The following ZBTB49 variants were observed in gnomAD, a reference collection of about 807,000 sequenced individuals.
ZBTB49 encodes zinc finger and BTB domain containing 49, also known as zinc finger and BTB domain-containing protein 49.
ZBTB49 carries 43 observed loss-of-function variants against 57.5 expected under a neutral mutation model. That is an observed-to-expected ratio of 0.75 (90% CI 0.59 to 0.97). The LOEUF (loss-of-function observed/expected upper bound fraction) is 0.97, where lower values mean the gene tolerates loss of function less well. Ranked by LOEUF, ZBTB49 falls within the 50% of genes least tolerant of loss-of-function variation. The probability of loss-of-function intolerance (pLI) is 0.00; values close to 1 mark genes in which losing one functional copy is unlikely to be tolerated. For missense variants in ZBTB49, 938 were observed against 947.7 expected, an observed-to-expected ratio of 0.99 and a Z score of 0.13; for synonymous variants, 369 against 362.1, an observed-to-expected ratio of 1.02 and a Z score of -0.22.
intron 1 of ZBTB49, among the ~76,000 whole-genome samples, chr4:4,297,591 C>T (rs1172831049): frequency 6.6e-6 from 1 of 151,942 alleles, no homozygotes; most frequent in East Asian, 1.9e-4. Flanking sequence ...TCAAGGCCAG[C>T]CTGGGCAATG....
chr4:4,293,617 A>T (rs1720048525), intron 1 of ZBTB49, among the ~76,000 whole-genome samples: 1 of 152,196 alleles, frequency 6.6e-6, no homozygotes, highest in Admixed American at 6.5e-5. Flanking sequence ...ATAATTCTGC[A>T]GGTTAGGTAT....
chr4:4,313,165 G>A, intron 5 of ZBTB49, 51 bp downstream of exon 5: 1 of 1,605,876 alleles, frequency 6.2e-7, no homozygotes, highest in Non-Finnish European at 8.5e-7. Context: ...TCTAGTCTCA[G>A]TGTCTTTGGT....
intron 5 of ZBTB49, among the ~76,000 whole-genome samples, chr4:4,314,046 C>G (rs1050096437): frequency 3.9e-5 from 6 of 152,200 alleles, no homozygotes; most frequent in African/African-American, 1.4e-4. Flanking sequence ...TCCTCATATT[C>G]AGTCTCAGCA....
chr4:4,292,867 C>T (rs1202073528), intron 1 of ZBTB49, among the ~76,000 whole-genome samples: 1 of 152,166 alleles, frequency 6.6e-6, no homozygotes, highest in African/African-American at 2.4e-5. Context: ...GTCCTCTCTG[C>T]AGGTTGAAAT....
At chr4:4,295,148 G>A (rs947253110) in intron 1 of ZBTB49, among the ~76,000 whole-genome samples, 4 of 152,136 alleles carry the variant, frequency 2.6e-5, no homozygotes, top group African/African-American at 9.7e-5. Flanking sequence ...CTGCTATAAA[G>A]TTGCTACCTG....
chr4:4,320,517 G>A, intron 7 of ZBTB49, 123 bp from the exon 8 acceptor site: 1 of 1,224,574 alleles, frequency 8.2e-7, no homozygotes, highest in African/African-American at 1.5e-5. Flanking sequence ...TCATGCGCCT[G>A]TCGTCCCAGC....
chr4:4,315,999 G>A (rs760029837), intron 7 of ZBTB49, 29 bp downstream of exon 7: 3 of 1,610,426 alleles, frequency 1.9e-6, no homozygotes, highest in African/African-American at 2.7e-5. Flanking sequence ...CTGTCCCCTA[G>A]TCATCTGTGT....
intron 4 of ZBTB49, among the ~76,000 whole-genome samples, chr4:4,307,001 G>A (rs1161603311): frequency 1.3e-5 from 2 of 152,232 alleles, no homozygotes; most frequent in African/African-American, 4.8e-5. Flanking sequence ...GGCAAGCGCC[G>A]TGTTTGCTCG....
At chr4:4,293,770 A>G (rs563446736) in intron 1 of ZBTB49, among the ~76,000 whole-genome samples, 91 of 152,324 alleles carry the variant, frequency 6.0e-4, no homozygotes, top group African/African-American at 2.0e-3. Context: ...CTCTGTCTCC[A>G]TGTGTTCTCT....
chr4:4,293,261 G>A lies in ZBTB49; in HGVS notation c.-20+2909G>A, dbSNP rs111800847. 8.5e-3 allele frequency among the ~76,000 whole-genome samples: 1,259 copies of A among 148,416 alleles called. 25 individuals are homozygous for A. The highest frequency in any genetic ancestry group is 0.031 in the African/African-American group (1,188 of 37,770). On this transcript the variant is annotated intron_variant, in intron 1 of 7. Coordinates refer to ENST00000337872, the MANE Select transcript of ZBTB49 (RefSeq NM_145291.4). ...CTGCTTGTCACTAGGTGAGTTAGTC[G>A]CAAAGATGGAAGAGAACCTTCTGCT...
chr4:4,313,023 C>A lies in ZBTB49; in HGVS notation c.1303-18C>A. On this transcript the variant is annotated intron_variant, in intron 4 of 7. Coordinates refer to ENST00000337872, the MANE Select transcript of ZBTB49 (RefSeq NM_145291.4). ...AAACTTTCATTATTGGTGTGTTTTTCTTTTCCTCTTTTTGCAGGCAGGTAA... is the reference window on the plus strand; with the variant it reads ...AAACTTTCATTATTGGTGTGTTTTTATTTTCCTCTTTTTGCAGGCAGGTAA... The A allele has an allele frequency of 6.2e-7, 1 of 1,612,538 alleles. No individual in the cohort carries two copies. The highest frequency in any genetic ancestry group is 8.5e-7 in the Non-Finnish European group (1 of 1,179,626).
rs554171129 is a variant in ZBTB49, at chr4:4,302,151, A to G, written c.315A>G (p.Gln105=). The G allele has an allele frequency of 8.1e-6, 13 of 1,614,242 alleles. 1 individual carries two copies. The South Asian group carries it at 1.3e-4, about 16-fold the overall frequency. The change falls in exon 3 of 8, where the codon CAA becomes CAG. Residue 105 remains glutamine, a synonymous_variant. Coordinates refer to ENST00000337872, the MANE Select transcript of ZBTB49 (RefSeq NM_145291.4). Reference sequence around the variant, plus strand: ...TGCTGGACACAGCACAGTGTTTGCAAGTTCAAAATGTTCTGAGTCTGTGTC... The same window carrying G: ...TGCTGGACACAGCACAGTGTTTGCAGGTTCAAAATGTTCTGAGTCTGTGTC... ...QVMLDTAQCL[Q]VQNVLSLCHT...
At chr4:4,311,923 C>T (rs908848294) in intron 4 of ZBTB49, among the ~76,000 whole-genome samples, 6 of 82,192 alleles carry the variant, frequency 7.3e-5, no homozygotes, top group African/African-American at 6.5e-5. Flanking sequence ...TTATATAGTC[C>T]GCAGATGGCA....
chr4:4,302,170 C>G lies in ZBTB49; in HGVS notation c.334C>G (p.Leu112Val). Residue 112 changes from leucine (L) to valine (V), a missense_variant, in exon 3 of 8, where the codon CTG (leucine) becomes GTG (valine). Physicochemically the swap from Leu to Val is conservative, Grantham distance 32 (BLOSUM62 1). Coordinates refer to ENST00000337872, the MANE Select transcript of ZBTB49 (RefSeq NM_145291.4). The stretch of plus-strand genomic sequence containing the variant: ...TTTGCAAGTTCAAAATGTTCTGAGT[C>G]TGTGTCACACATTTTTAAAATCAGC... ...QCLQVQNVLS[L>V]CHTFLKSATV... 1 of 1,614,254 alleles carries G rather than the reference C, an allele frequency of 6.2e-7. No individual in the cohort carries two copies. Among genetic ancestry groups the G allele is most frequent in the Non-Finnish European group, 8.5e-7 (1 of 1,180,042 alleles).
intron 3 of ZBTB49, among the ~76,000 whole-genome samples, chr4:4,303,959 G>GTGTAATTGTGTTTGT (rs1290151408): frequency 6.6e-6 from 1 of 152,116 alleles, no homozygotes; most frequent in Non-Finnish European, 1.5e-5. Flanking sequence ...TACGGTGTTT[G>GTGTAATTGTGTTTGT]TGTAATTGTG....
chr4:4,308,804 A>G (rs375739133), intron 4 of ZBTB49, among the ~76,000 whole-genome samples: 82 of 152,312 alleles, frequency 5.4e-4, no homozygotes, highest in African/African-American at 1.9e-3. Context: ...AACTGCTGAC[A>G]GTTATCTACG....
At chr4:4,309,020 C>G (rs572885167) in intron 4 of ZBTB49, among the ~76,000 whole-genome samples, 1 of 152,152 alleles carries the variant, frequency 6.6e-6, no homozygotes, top group East Asian at 1.9e-4. Flanking sequence ...GAATGCCCAC[C>G]GGCCCATCCT....
chr4:4,307,452 C>G (rs1305652824), intron 4 of ZBTB49, among the ~76,000 whole-genome samples: 2 of 152,198 alleles, frequency 1.3e-5, no homozygotes, highest in African/African-American at 4.8e-5. Flanking sequence ...TTTGGGCAGT[C>G]TCACCTTTTG....
chr4:4,316,278 C>T (rs1022080768), intron 7 of ZBTB49, among the ~76,000 whole-genome samples: 3 of 152,174 alleles, frequency 2.0e-5, no homozygotes, highest in African/African-American at 7.2e-5. Flanking sequence ...GACAGCAGGA[C>T]GTGTGGCTGC....
Sources: allele counts gnomAD v4.1 joint callset (sites outside exome capture counted in the v4.1 genomes callset), GRCh38; gene constraint gnomAD v4.1.1; transcripts MANE v1.5; gene names NCBI Gene and HGNC (gene_info 2026-07-23, HGNC 2026-07-21).